RHBDL2: variants seen among roughly 807,000 people sequenced by gnomAD.
The protein encoded by RHBDL2 is rhomboid-related protein 2.
In RHBDL2, 26 loss-of-function variants were observed where a neutral mutation model predicts 31.7. The observed-to-expected ratio is 0.82, with a 90% CI of 0.60 to 1.14. The LOEUF (loss-of-function observed/expected upper bound fraction) is 1.14. Ranked by LOEUF, RHBDL2 falls within the 50% of genes most tolerant of loss-of-function variation. RHBDL2 has a pLI of 0.00. For missense variants in RHBDL2, 336 were observed against 364.4 expected (o/e 0.92, Z 0.63); for synonymous variants, 123 against 127.2 (o/e 0.97, Z 0.22).
intron 1 of RHBDL2, among the ~76,000 whole-genome samples, chr1:38,921,366 G>A (rs1051181132): frequency 6.6e-6 from 1 of 152,204 alleles, no homozygotes; most frequent in Non-Finnish European, 1.5e-5. Flanking sequence ...GGGTGATGGA[G>A]CAAGACTGTG....
chr1:38,894,768 A>ATGATCT (rs1203735064), intron 5 of RHBDL2, among the ~76,000 whole-genome samples: 1 of 125,264 alleles, frequency 8.0e-6, no homozygotes, highest in East Asian at 2.3e-4. Context: ...GTGCAGTGGC[A>ATGATCT]TGATCTCAGC....
intron 1 of RHBDL2, among the ~76,000 whole-genome samples, chr1:38,932,426 T>C (rs916209343): frequency 2.0e-5 from 3 of 152,082 alleles, no homozygotes; most frequent in Non-Finnish European, 4.4e-5. Context: ...CTGACTTGCA[T>C]AATTATGAAG....
intron 1 of RHBDL2, among the ~76,000 whole-genome samples, chr1:38,934,133 A>G (rs1028306285): frequency 3.6e-5 from 5 of 140,682 alleles, no homozygotes; most frequent in African/African-American, 7.8e-5. Context: ...GGATCATTTG[A>G]GGCCAGGAGT....
In RHBDL2 at chr1:38,919,058, C is replaced by A; in HGVS notation, c.155G>T (p.Trp52Leu). 1 of 1,614,170 alleles carries A rather than the reference C, an allele frequency of 6.2e-7. No homozygotes were observed. The highest frequency in any genetic ancestry group is 8.5e-7 in the Non-Finnish European group (1 of 1,180,040). The change falls in exon 2 of 8, where the codon TGG (tryptophan) becomes TTG (leucine). Residue 52 changes from tryptophan (W) to leucine (L), a missense_variant. By Grantham distance (61) the Trp-to-Leu change is moderately conservative. Coordinates refer to ENST00000372990, the MANE Select transcript of RHBDL2 (RefSeq NM_017821.5). ...TCCTCGGGACTTTTCGGGCAGCATC[C>A]ATTTTGAGACAATCCTGTGGACCTT... ...SKKVHRIVSK[W>L]MLPEKSRGTY...
chr1:38,922,107 A>G (rs184324747), intron 1 of RHBDL2, among the ~76,000 whole-genome samples: 1 of 152,304 alleles, frequency 6.6e-6, no homozygotes, highest in East Asian at 1.9e-4. Flanking sequence ...GTGCCTAAAT[A>G]TATTTCCTGT....
intron 1 of RHBDL2, chr1:38,929,293 AC>A: frequency 2.6e-6 from 2 of 756,168 alleles, no homozygotes; most frequent in Non-Finnish European, 3.8e-6. Context: ...GGGAATTCCC[AC>A]CATCCCCACT....
At chr1:38,940,492 C>A (rs1398484532) in intron 1 of RHBDL2, among the ~76,000 whole-genome samples, 1 of 152,198 alleles carries the variant, frequency 6.6e-6, no homozygotes, top group African/African-American at 2.4e-5. Context: ...AGCCATGGAA[C>A]CCAACCTTCC....
chr1:38,923,388 A>C (rs535902325), intron 1 of RHBDL2, among the ~76,000 whole-genome samples: 1 of 152,340 alleles, frequency 6.6e-6, no homozygotes, highest in East Asian at 1.9e-4. Context: ...TGTATTTTCT[A>C]ACAGTTCTAA....
intron 4 of RHBDL2, among the ~76,000 whole-genome samples, chr1:38,906,705 A>G (rs902434034): frequency 4.6e-5 from 7 of 152,124 alleles, no homozygotes; most frequent in African/African-American, 1.7e-4. Flanking sequence ...GCACAAATCA[A>G]TTGTGTTTCT....
intron 3 of RHBDL2, among the ~76,000 whole-genome samples, chr1:38,912,620 C>T (rs570606354): frequency 1.3e-5 from 2 of 151,376 alleles, no homozygotes; most frequent in Admixed American, 6.6e-5. Flanking sequence ...GGGTTTTCAC[C>T]GTGTCACCCA....
intron 2 of RHBDL2, among the ~76,000 whole-genome samples, chr1:38,917,054 G>A (rs1643247817): frequency 8.6e-6 from 1 of 115,994 alleles, no homozygotes; most frequent in Non-Finnish European, 1.7e-5. Flanking sequence ...GTCTTGCTCT[G>A]TAGCCCAGGC....
At chr1:38,890,805 A>G (rs1642844293) in intron 6 of RHBDL2, among the ~76,000 whole-genome samples, 1 of 151,920 alleles carries the variant, frequency 6.6e-6, no homozygotes, top group African/African-American at 2.4e-5. Context: ...GCTCAAGCGA[A>G]TTCTCCCACC....
At chr1:38,925,951 T>TAG in intron 1 of RHBDL2, 1 of 1,270,928 alleles carries the variant, frequency 7.9e-7, no homozygotes, top group African/African-American at 1.5e-5. Flanking sequence ...ACTAATAAAT[T>TAG]ACCAAAATTG....
intron 1 of RHBDL2, among the ~76,000 whole-genome samples, chr1:38,937,611 A>G (rs895475840): frequency 1.3e-5 from 2 of 152,100 alleles, no homozygotes; most frequent in African/African-American, 4.8e-5. Context: ...CTAGTTTGAC[A>G]CACCCTCACT....
chr1:38,940,386 T>G (rs898828296), intron 1 of RHBDL2, among the ~76,000 whole-genome samples: 5 of 152,108 alleles, frequency 3.3e-5, no homozygotes, highest in Non-Finnish European at 7.3e-5. Flanking sequence ...TTATTTTATT[T>G]TTTAAAGACA....
intron 1 of RHBDL2, chr1:38,929,365 T>A: frequency 7.8e-7 from 1 of 1,279,804 alleles, no homozygotes; most frequent in Non-Finnish European, 1.0e-6. Context: ...TTTGCCTCTT[T>A]GAGAAGCCAG....
At chr1:38,924,953 G>A (rs1027477441) in intron 1 of RHBDL2, among the ~76,000 whole-genome samples, 1 of 151,504 alleles carries the variant, frequency 6.6e-6, no homozygotes, top group Non-Finnish European at 1.5e-5. Flanking sequence ...AGCTAATTTT[G>A]TATTTTTAGT....
At chr1:38,888,607 A>C (rs1642815931) in intron 6 of RHBDL2, among the ~76,000 whole-genome samples, 1 of 152,158 alleles carries the variant, frequency 6.6e-6, no homozygotes, top group South Asian at 2.1e-4. Context: ...AAAGTCCCTA[A>C]GCAGGAATGT....
chr1:38,918,537 G>A lies in RHBDL2; in HGVS notation c.246+430C>T, dbSNP rs140302865. 4.8e-3 allele frequency among the ~76,000 whole-genome samples: 726 copies of A among 152,202 alleles called. 2 individuals are homozygous for A. Among genetic ancestry groups the A allele is most frequent in the Non-Finnish European group, 7.0e-3 (479 of 68,014 alleles). ...CTGCCTGAAGTAGACATTGTTAAAG[G>A]ATCCCGTTTTTTTCCTACTGAAATT... On this transcript the variant is annotated intron_variant, in intron 2 of 7. Coordinates refer to ENST00000372990, the MANE Select transcript of RHBDL2 (RefSeq NM_017821.5).
Sources: allele counts gnomAD v4.1 joint callset (sites outside exome capture counted in the v4.1 genomes callset), GRCh38; gene constraint gnomAD v4.1.1; transcripts MANE v1.5; gene names NCBI Gene and HGNC (gene_info 2026-07-23, HGNC 2026-07-21).